Variants in HIRA observed in about 807,000 individuals in gnomAD.
HIRA encodes the protein histone cell cycle regulator.
HIRA carries 13 observed loss-of-function variants against 126.6 expected under a neutral mutation model. The observed-to-expected ratio is 0.10, with a 90% CI of 0.07 to 0.16. The LOEUF is 0.16. Among genes scored for constraint, HIRA ranks in the 10% least tolerant of loss-of-function variants. The pLI is 1.00. For synonymous variants in HIRA, 511 were observed against 520.0 expected, an observed-to-expected ratio of 0.98 and a Z score of 0.24; for missense variants, 834 against 1,314.4, an observed-to-expected ratio of 0.63 and a Z score of 5.65.
chr22:19,416,249 T>C (rs1601857016), intron 1 of HIRA, among the ~76,000 whole-genome samples: 2 of 152,342 alleles, frequency 1.3e-5, no homozygotes, highest in East Asian at 3.9e-4. Context: ...CCTGCATATA[T>C]ATCTTAGAAG....
At chr22:19,332,258 C>T (rs955730970) in intron 24 of HIRA, among the ~76,000 whole-genome samples, 7 of 152,182 alleles carry the variant, frequency 4.6e-5, no homozygotes, top group African/African-American at 9.7e-5. Flanking sequence ...CTTGAATTAA[C>T]GGTGACAGAT....
At chr22:19,401,755 G>A (rs563474406) in intron 5 of HIRA, among the ~76,000 whole-genome samples, 2 of 152,228 alleles carry the variant, frequency 1.3e-5, no homozygotes, top group African/African-American at 2.4e-5. Context: ...CCACTTCTGT[G>A]TTATGACTCC....
chr22:19,426,721 G>T (rs2146261637), intron 1 of HIRA, among the ~76,000 whole-genome samples: 1 of 152,316 alleles, frequency 6.6e-6, no homozygotes, highest in South Asian at 2.1e-4. Flanking sequence ...GCATAAATCA[G>T]TGAAAAATCC....
intron 1 of HIRA, among the ~76,000 whole-genome samples, chr22:19,426,008 T>C (rs889298191): frequency 6.6e-5 from 10 of 152,086 alleles, no homozygotes; most frequent in African/African-American, 2.4e-4. Flanking sequence ...AGAGCGAGAC[T>C]CTGTCTCAAA....
chr22:19,382,182 A>G (rs901084693), intron 13 of HIRA, among the ~76,000 whole-genome samples: 1 of 152,206 alleles, frequency 6.6e-6, no homozygotes, highest in African/African-American at 2.4e-5. Context: ...AAAAGCTTTT[A>G]ATACCAAAAG....
chr22:19,431,431 C>G lies in HIRA; in HGVS notation c.37+9G>C. On this transcript the variant is annotated intron_variant, in intron 1 of 24. Coordinates refer to ENST00000263208, the MANE Select transcript of HIRA (RefSeq NM_003325.4). ...GGCTCGGCCTCCCGCGACCCCTGCG[C>G]GCACTCACCATTGTGGTTGACCCAG... 1 of 1,608,690 alleles carries G rather than the reference C, an allele frequency of 6.2e-7. No homozygotes were observed. Among genetic ancestry groups the G allele is most frequent in the South Asian group, 1.1e-5 (1 of 91,064 alleles).
intron 24 of HIRA, among the ~76,000 whole-genome samples, chr22:19,344,241 G>T (rs1252618785): frequency 3.3e-5 from 5 of 151,970 alleles, no homozygotes; most frequent in Non-Finnish European, 7.4e-5. Context: ...TTGATTCTTT[G>T]AAAAGATGAA....
chr22:19,363,686 T>A (rs1435823631), intron 15 of HIRA, among the ~76,000 whole-genome samples: 1 of 152,032 alleles, frequency 6.6e-6, no homozygotes, highest in Non-Finnish European at 1.5e-5. Flanking sequence ...TCACTTGAGG[T>A]CAGGAGTTTG....
intron 3 of HIRA, 89 bp downstream of exon 3, chr22:19,408,393 CG>C (rs2089324184): frequency 1.2e-6 from 1 of 818,580 alleles, no homozygotes. Context: ...TACCGCCGCA[CG>C]GGGCCTTATC....
chr22:19,392,861 G>A (rs1374697949), intron 8 of HIRA, among the ~76,000 whole-genome samples: 1 of 152,164 alleles, frequency 6.6e-6, no homozygotes, highest in Non-Finnish European at 1.5e-5. Context: ...TGCAAAGGAT[G>A]AAAGCACTCA....
At chr22:19,381,714 A>G (rs2089074829) in intron 13 of HIRA, among the ~76,000 whole-genome samples, 1 of 152,216 alleles carries the variant, frequency 6.6e-6, no homozygotes, top group South Asian at 2.1e-4. Context: ...ACATTCAGAA[A>G]TGAGAATGAT....
At chr22:19,335,411 A>C (rs1049013212) in intron 24 of HIRA, among the ~76,000 whole-genome samples, 4 of 152,074 alleles carry the variant, frequency 2.6e-5, no homozygotes, top group African/African-American at 9.6e-5. Flanking sequence ...CACCCGGCTA[A>C]TTTTTGTATT....
rs150048441 is a variant in HIRA at position 19,363,845 on chromosome 22, C to T, written c.1776-1914G>A. Among the ~76,000 whole-genome samples, 1,186 of 152,146 alleles carry T rather than the reference C, an allele frequency of 7.8e-3. 35 individuals carry two copies. Among genetic ancestry groups the T allele is most frequent in the East Asian group, 0.061 (315 of 5,166 alleles). ...CCTGGGAGGCGGAGGTTGCAGTGAG[C>T]CGAGATGCGACTGTGCCACCGCACT... On this transcript the variant is annotated intron_variant, in intron 15 of 24. Coordinates refer to ENST00000263208, the MANE Select transcript of HIRA (RefSeq NM_003325.4).
intron 24 of HIRA, among the ~76,000 whole-genome samples, chr22:19,350,355 T>C (rs1171868635): frequency 3.3e-5 from 5 of 152,158 alleles, no homozygotes; most frequent in Admixed American, 2.6e-4. Context: ...TGCTCAATGA[T>C]TGAATGAAGC....
chr22:19,393,258 CA>C (rs1269096591), intron 8 of HIRA, among the ~76,000 whole-genome samples: 1 of 152,176 alleles, frequency 6.6e-6, no homozygotes. Flanking sequence ...CTGGTTCAAA[CA>C]AAACCCTACA....
chr22:19,428,169 T>C (rs987159245), intron 1 of HIRA, among the ~76,000 whole-genome samples: 3 of 152,232 alleles, frequency 2.0e-5, no homozygotes, highest in African/African-American at 7.2e-5. Context: ...GAACCCAGTC[T>C]GATTCCACAT....
chr22:19,355,738 G>A (rs377444256), intron 21 of HIRA, 22 bp downstream of exon 21: 10 of 1,537,598 alleles, frequency 6.5e-6, no homozygotes, highest in Admixed American at 1.7e-5. Flanking sequence ...CAGGGAATAG[G>A]ACTGGGGGTC....
intron 1 of HIRA, among the ~76,000 whole-genome samples, chr22:19,413,840 G>C (rs1235605871): frequency 6.6e-6 from 1 of 151,970 alleles, no homozygotes; most frequent in Non-Finnish European, 1.5e-5. Flanking sequence ...TCGATCTCCT[G>C]ACCTCATGAT....
chr22:19,410,366 GAA>G (rs2089342751), intron 2 of HIRA, among the ~76,000 whole-genome samples: 1 of 152,190 alleles, frequency 6.6e-6, no homozygotes, highest in Middle Eastern at 3.4e-3. Context: ...TTTCAGATGA[GAA>G]AAATGCTGAC....
Sources: gnomAD v4.1 joint callset for allele counts (sites outside exome capture counted in the v4.1 genomes callset) on GRCh38, gnomAD v4.1.1 for gene constraint, MANE v1.5 for transcripts, NCBI Gene and HGNC (gene_info 2026-07-23, HGNC 2026-07-21) for gene names.